Variants in GRXCR2 observed in about 807,000 individuals in gnomAD.
GRXCR2 encodes the protein glutaredoxin and cysteine rich domain containing 2.
GRXCR2 carries 23 observed loss-of-function variants against 24.8 expected under a neutral mutation model. The observed-to-expected ratio is 0.93, with a 90% CI of 0.67 to 1.32. The LOEUF (loss-of-function observed/expected upper bound fraction) is 1.32. GRXCR2 is among the 40% of genes most tolerant of loss of function. GRXCR2 has a pLI of 0.00. For synonymous variants in GRXCR2, 130 were observed against 116.1 expected (o/e 1.12, Z -0.77); for missense variants, 315 against 303.4 (o/e 1.04, Z -0.28).
chr5:145,868,782 T>A (rs1477190573), intron 1 of GRXCR2, among the ~76,000 whole-genome samples: 1 of 152,254 alleles, frequency 6.6e-6, no homozygotes, highest in East Asian at 1.9e-4. Flanking sequence ...GTTTATTTTT[T>A]GATGTACCCC....
chr5:145,924,457 TC>T (rs1757364153), intron 2 of GRXCR2, among the ~76,000 whole-genome samples: 1 of 152,146 alleles, frequency 6.6e-6, no homozygotes, highest in Admixed American at 6.6e-5. Context: ...CAGGCTTATC[TC>T]CCTTTGTGTT....
chr5:145,907,550 A>C (rs1757109556), intron 2 of GRXCR2, among the ~76,000 whole-genome samples: 1 of 151,976 alleles, frequency 6.6e-6, no homozygotes, highest in African/African-American at 2.4e-5. Flanking sequence ...AGTAATAATA[A>C]TAATAAAATG....
intron 2 of GRXCR2, among the ~76,000 whole-genome samples, chr5:145,925,114 G>T (rs1757372869): frequency 6.6e-6 from 1 of 152,164 alleles, no homozygotes; most frequent in Admixed American, 6.5e-5. Flanking sequence ...TATGGAGCAA[G>T]TGCTATTATT....
chr5:145,884,033 C>A (rs1257509245), intron 2 of GRXCR2, among the ~76,000 whole-genome samples: 1 of 152,146 alleles, frequency 6.6e-6, no homozygotes, highest in Non-Finnish European at 1.5e-5. Flanking sequence ...TGATGTGATG[C>A]TTCATTTACA....
At chr5:145,927,440 CGTT>C (rs1172634474) in intron 2 of GRXCR2, among the ~76,000 whole-genome samples, 1 of 151,964 alleles carries the variant, frequency 6.6e-6, no homozygotes, top group Non-Finnish European at 1.5e-5. Flanking sequence ...TAGCATGAAG[CGTT>C]GTTGAATTGT....
chr5:145,910,002 G>A (rs572935568), intron 2 of GRXCR2, among the ~76,000 whole-genome samples: 11 of 152,196 alleles, frequency 7.2e-5, no homozygotes, highest in African/African-American at 2.4e-4. Context: ...AAGGCTTAAC[G>A]AGATTCCCAT....
At chr5:145,880,553 C>A (rs544497439) in intron 2 of GRXCR2, among the ~76,000 whole-genome samples, 3 of 152,058 alleles carry the variant, frequency 2.0e-5, no homozygotes, top group African/African-American at 7.2e-5. Flanking sequence ...AGCCTACCAA[C>A]CAAAAAAAGT....
upstream of GRXCR2, among the ~76,000 whole-genome samples, chr5:145,877,502 T>C (rs901387184): frequency 3.3e-5 from 5 of 152,176 alleles, no homozygotes; most frequent in African/African-American, 7.2e-5. Flanking sequence ...TGGAAACAGA[T>C]TTATGATACA....
chr5:145,899,453 C>A (rs1756995913), intron 2 of GRXCR2, among the ~76,000 whole-genome samples: 1 of 152,086 alleles, frequency 6.6e-6, no homozygotes, highest in South Asian at 2.1e-4. Flanking sequence ...ATAGCCAAAG[C>A]AATTCTAAGC....
At chr5:145,899,641 G>A (rs1228422405) in intron 2 of GRXCR2, among the ~76,000 whole-genome samples, 2 of 152,042 alleles carry the variant, frequency 1.3e-5, no homozygotes, top group Non-Finnish European at 2.9e-5. Flanking sequence ...CAACAAAGTT[G>A]ACAAAAATAA....
At chr5:145,863,212 G>T (rs1318357429) in intron 2 of GRXCR2, among the ~76,000 whole-genome samples, 1 of 152,204 alleles carries the variant, frequency 6.6e-6, no homozygotes, top group African/African-American at 2.4e-5. Flanking sequence ...CCATCTAACA[G>T]AACAAAGAGG....
chr5:145,884,014 T>C lies in GRXCR2; in HGVS notation c.-69-17286A>G, dbSNP rs187335038. 6.4e-4 allele frequency among the ~76,000 whole-genome samples: 98 copies of C among 152,338 alleles called. 1 individual carries two copies. The highest frequency in any genetic ancestry group is 2.8e-4 in the Non-Finnish European group (19 of 68,032). On this transcript the variant is annotated intron_variant, in intron 2 of 3. Coordinates refer to the GRXCR2 transcript ENST00000639411. ...ATCACTAATGGTGGGACAAACGTATTATGTCTCCTGATGTGATGCTTCATT... is the reference window on the plus strand; with the variant it reads ...ATCACTAATGGTGGGACAAACGTATCATGTCTCCTGATGTGATGCTTCATT...
At chr5:145,873,638 C>A (rs340055), upstream of GRXCR2, among the ~76,000 whole-genome samples, 1 of 152,042 alleles carries the variant, frequency 6.6e-6, no homozygotes, top group South Asian at 2.1e-4. Context: ...GAGGGAATGA[C>A]GTCCTAGATA....
Position 145,898,387 on chromosome 5 carries a change from C to G in GRXCR2, c.-69-31659G>C, listed in dbSNP as rs530807397. Among the ~76,000 whole-genome samples, 3 of 152,026 alleles carry G rather than the reference C, an allele frequency of 2.0e-5. No homozygotes were observed. In the South Asian group the frequency reaches 6.2e-4, roughly 32 times the overall value. ...AGGAAAAGCTGGCACCACATCAATT[C>G]TACTGAAACTATTTCAAAACATCAA... On this transcript the variant is annotated intron_variant, in intron 2 of 3. Coordinates refer to the GRXCR2 transcript ENST00000639411.
chr5:145,897,221 T>C (rs1167621279), intron 2 of GRXCR2, among the ~76,000 whole-genome samples: 2 of 149,874 alleles, frequency 1.3e-5, no homozygotes, highest in Non-Finnish European at 3.0e-5. Flanking sequence ...GGCTCATGTA[T>C]ACGTATGTAA....
chr5:145,877,628 C>T (rs184833988), upstream of GRXCR2, among the ~76,000 whole-genome samples: 3 of 152,356 alleles, frequency 2.0e-5, no homozygotes, highest in African/African-American at 4.8e-5. Context: ...CTCCAGTCTG[C>T]AGCTCCCAAA....
intron 2 of GRXCR2, among the ~76,000 whole-genome samples, chr5:145,882,566 T>C (rs1253752408): frequency 6.6e-6 from 1 of 152,182 alleles, no homozygotes; most frequent in East Asian, 1.9e-4. Context: ...CTTTTTACAC[T>C]GTTGGTGGGA....
At chr5:145,918,146 G>A (rs529568399) in intron 2 of GRXCR2, among the ~76,000 whole-genome samples, 1 of 152,322 alleles carries the variant, frequency 6.6e-6, no homozygotes, top group South Asian at 2.1e-4. Flanking sequence ...CCACTTTTCA[G>A]TTGAATGCTG....
chr5:145,873,903 A>T (rs77599589), upstream of GRXCR2, among the ~76,000 whole-genome samples: 217 of 152,342 alleles, frequency 1.4e-3, 2 homozygotes, highest in East Asian at 0.037. Context: ...AATCCCATAC[A>T]GACCTCACAC....
Sources: allele counts gnomAD v4.1 joint callset (sites outside exome capture counted in the v4.1 genomes callset), GRCh38; gene constraint gnomAD v4.1.1; transcripts MANE v1.5; gene names NCBI Gene and HGNC (gene_info 2026-07-23, HGNC 2026-07-21).